KLK15: variants seen among roughly 807,000 people sequenced by gnomAD.
KLK15 encodes kallikrein related peptidase 15.
A neutral mutation model predicts 21.1 loss-of-function variants in KLK15; 19 were observed. The ratio of observed to expected loss-of-function variants is 0.90; its 90% CI spans 0.63 to 1.32. The LOEUF (loss-of-function observed/expected upper bound fraction) is 1.32. KLK15 is among the 40% of genes most tolerant of loss of function. The pLI, the probability that KLK15 is intolerant of heterozygous loss-of-function variation, is 0.00. For synonymous variants in KLK15, 141 were observed against 141.5 expected, an observed-to-expected ratio of 1.00 and a Z score of 0.03; for missense variants, 345 against 348.6, an observed-to-expected ratio of 0.99 and a Z score of 0.08.
At chr19:50,826,784 G>T (rs10403612) in intron 3 of KLK15, 27 bp from the exon 5 acceptor site, 1 of 1,598,816 alleles carries the variant, frequency 6.3e-7, no homozygotes, top group African/African-American at 1.3e-5. Context: ...ACTTGGAGCA[G>T]ATCCATAAAT....
At chr19:50,828,074 T>C (rs977323088) in intron 1 of KLK15, among the ~76,000 whole-genome samples, 2 of 151,524 alleles carry the variant, frequency 1.3e-5, no homozygotes, top group Non-Finnish European at 3.0e-5. Flanking sequence ...TGCCTCAGCC[T>C]CCCGAGTAGC....
chr19:50,832,012 A>G (rs1291925914), upstream of KLK15, among the ~76,000 whole-genome samples: 3 of 151,756 alleles, frequency 2.0e-5, no homozygotes, highest in Non-Finnish European at 4.4e-5. Context: ...AAGTAGAGAC[A>G]GGGTTTCACC....
rs776896320 is a variant in KLK15 at position 50,827,159 on chromosome 19, A to G, written c.200T>C (p.Phe67Ser). Reference sequence around the variant, plus strand: ...GTGCTCTCCCAGGCGCACTCTCATGAAGCTGTGCGGGCGAGTGGTTTTCCC... The same window carrying G: ...GTGCTCTCCCAGGCGCACTCTCATGGAGCTGTGCGGGCGAGTGGTTTTCCC... Residue 67 changes from phenylalanine to serine, a missense_variant and splice_region_variant, in exon 3 of 5, where the codon TTC becomes TCC. By Grantham distance (155) the Phe-to-Ser change is radical. Coordinates refer to ENST00000598239, the Ensembl canonical transcript of KLK15. The G allele has an allele frequency of 6.3e-7, 1 of 1,579,138 alleles. No individual in the cohort carries two copies. The highest frequency in any genetic ancestry group is 8.6e-7 in the Non-Finnish European group (1 of 1,167,286).
intron 1 of KLK15, 88 bp from the exon 3 acceptor site, chr19:50,827,903 G>T (rs878906686): frequency 1.6e-6 from 2 of 1,255,736 alleles, no homozygotes; most frequent in South Asian, 1.3e-5. Flanking sequence ...ACTACTATAT[G>T]CCTATGCCTT....
At chr19:50,827,664 G>C (rs760188186) in exon 2 of KLK15, 2 of 1,610,588 alleles carry the variant, frequency 1.2e-6, no homozygotes, top group African/African-American at 2.7e-5. Context: ...CTTCATACCG[G>C]CTTTGGCAGT....
downstream of KLK15, chr19:50,825,679 C>T: frequency 9.6e-7 from 1 of 1,039,220 alleles, no homozygotes; most frequent in Non-Finnish European, 1.4e-6. Flanking sequence ...TGGCTAACAT[C>T]TGGGCCTTGG....
intron 1 of KLK15, 144 bp from the exon 3 acceptor site, chr19:50,827,959 G>A: frequency 2.6e-6 from 2 of 769,558 alleles, no homozygotes; most frequent in African/African-American, 1.8e-5. Flanking sequence ...GTTTGTTGTT[G>A]TTGTTGTTTT....
chr19:50,830,842 A>G (rs1387767644), intron 1 of KLK15, among the ~76,000 whole-genome samples: 1 of 151,904 alleles, frequency 6.6e-6, no homozygotes, highest in African/African-American at 2.4e-5. Context: ...CCCACCACAC[A>G]TAGACGTTGT....
At chr19:50,833,488 C>T (rs930326746), upstream of KLK15, among the ~76,000 whole-genome samples, 6 of 152,192 alleles carry the variant, frequency 3.9e-5, no homozygotes, top group Non-Finnish European at 8.8e-5. Context: ...AGTGAATCTC[C>T]CCTTTGCCCC....
downstream of KLK15, chr19:50,825,717 T>G (rs2089867788): frequency 1.4e-6 from 2 of 1,456,934 alleles, no homozygotes; most frequent in Non-Finnish European, 1.9e-6. Context: ...GGCTCCGTTC[T>G]GTTCCATGTC....
chr19:50,832,315 T>C (rs1461643691), upstream of KLK15, among the ~76,000 whole-genome samples: 1 of 98,462 alleles, frequency 1.0e-5, no homozygotes, highest in African/African-American at 3.4e-5. Context: ...TTTCTTTCTT[T>C]TTTTTTCTTT....
intron 2 of KLK15, 145 bp from the exon 4 acceptor site, chr19:50,827,306 C>A: frequency 1.2e-6 from 1 of 810,832 alleles, no homozygotes; most frequent in Non-Finnish European, 1.9e-6. Flanking sequence ...TCCCAAGACC[C>A]TGAAGCCAAT....
exon 2 of KLK15, chr19:50,827,664 G>A (rs760188186): frequency 1.2e-6 from 2 of 1,610,470 alleles, no homozygotes; most frequent in Non-Finnish European, 1.7e-6. Context: ...CTTCATACCG[G>A]CTTTGGCAGT....
intron 1 of KLK15, among the ~76,000 whole-genome samples, chr19:50,828,017 A>T (rs1488430182): frequency 6.6e-6 from 1 of 151,364 alleles, no homozygotes; most frequent in Admixed American, 6.6e-5. Flanking sequence ...CAGTGGCATG[A>T]TCTCAGCTCA....
intron 2 of KLK15, 54 bp from the exon 4 acceptor site, chr19:50,827,215 C>T: frequency 6.6e-7 from 1 of 1,516,706 alleles, no homozygotes. Flanking sequence ...TGGTTACCCG[C>T]AAGTAGAGGA....
upstream of KLK15, chr19:50,831,561 C>T (rs1454036864): frequency 3.2e-6 from 4 of 1,243,384 alleles, no homozygotes; most frequent in Admixed American, 1.5e-4. Context: ...GAGGCAGGAC[C>T]CTTCTGCCTC....
chr19:50,826,464 C>T, intron 4 of KLK15, 157 bp downstream of exon 5: 1 of 855,906 alleles, frequency 1.2e-6, no homozygotes. Flanking sequence ...ACCCCAACTC[C>T]AACCTCACCC....
rs147612382 is a variant in KLK15 at position 50,827,058 on chromosome 19, G to A, written c.301C>T (p.Arg101Cys). Residue 101 changes from arginine (R) to cysteine (C), a missense_variant, in exon 3 of 5, where the codon CGC (arginine) becomes TGC (cysteine). Arg to Cys is a radical substitution (Grantham distance 180, BLOSUM62 -3). Coordinates refer to ENST00000598239, the Ensembl canonical transcript of KLK15. ...AACATGATGTCGTTGCGGTGGCTGC[G>A]CGCTTCGTAGCGCGGGTGTGGAATG... is the stretch of plus-strand genomic sequence containing the variant. 28 of 1,606,148 alleles carry A rather than the reference G, an allele frequency of 1.7e-5. No homozygotes were observed. In the African/African-American group the frequency reaches 3.3e-4, roughly 19 times the overall value.
chr19:50,831,322 G>T, intron 1 of KLK15, 128 bp downstream of exon 2: 1 of 635,404 alleles, frequency 1.6e-6, no homozygotes, highest in Non-Finnish European at 2.5e-6. Flanking sequence ...TGGCACAGGT[G>T]GAGGGTGAAG....
Sources: allele counts gnomAD v4.1 joint callset (sites outside exome capture counted in the v4.1 genomes callset), GRCh38; gene constraint gnomAD v4.1.1; transcripts MANE v1.5; gene names NCBI Gene and HGNC (gene_info 2026-07-23, HGNC 2026-07-21).